The following CHKA variants were observed in gnomAD, a reference collection of about 807,000 sequenced individuals.
The protein encoded by CHKA is CHETK-alpha.
In CHKA, 34 loss-of-function variants were observed where a neutral mutation model predicts 60.1. The observed-to-expected ratio is 0.57, with a 90% CI of 0.43 to 0.75. The LOEUF (loss-of-function observed/expected upper bound fraction) is 0.75. Ranked by LOEUF, CHKA falls within the 30% of genes least tolerant of loss-of-function variation. The probability of loss-of-function intolerance (pLI) is 0.00; values close to 1 mark genes in which losing one functional copy is unlikely to be tolerated. For missense variants in CHKA, 563 were observed against 561.3 expected (o/e 1.00, Z -0.03); for synonymous variants, 217 against 223.1 (o/e 0.97, Z 0.24).
At chr11:68,085,668 C>T (rs948433288) in intron 2 of CHKA, among the ~76,000 whole-genome samples, 8 of 152,074 alleles carry the variant, frequency 5.3e-5, no homozygotes, top group African/African-American at 1.4e-4. Context: ...TGCTTAAAAG[C>T]GTGTATTATT....
chr11:68,056,055 A>G (rs1487773269), intron 11 of CHKA, among the ~76,000 whole-genome samples: 2 of 152,138 alleles, frequency 1.3e-5, no homozygotes, highest in Non-Finnish European at 2.9e-5. Flanking sequence ...TCTCAAAATA[A>G]TAATAATGAA....
At chr11:68,118,460 A>C (rs1858477577) in intron 1 of CHKA, among the ~76,000 whole-genome samples, 1 of 152,120 alleles carries the variant, frequency 6.6e-6, no homozygotes, top group Admixed American at 6.6e-5. Flanking sequence ...ACCAAAAACC[A>C]GAATCAGATT....
chr11:68,069,585 G>A (rs1329328897), intron 6 of CHKA, among the ~76,000 whole-genome samples: 2 of 152,010 alleles, frequency 1.3e-5, no homozygotes, highest in African/African-American at 2.4e-5. Flanking sequence ...TCGGGAGGCT[G>A]AGGCAGGAGA....
At chr11:68,078,621 T>A (rs921256759) in intron 3 of CHKA, among the ~76,000 whole-genome samples, 1 of 152,236 alleles carries the variant, frequency 6.6e-6, no homozygotes, top group Non-Finnish European at 1.5e-5. Flanking sequence ...AGAGTATTGA[T>A]GTTATGAACT....
intron 11 of CHKA, among the ~76,000 whole-genome samples, chr11:68,055,311 A>C (rs1590826018): frequency 6.6e-6 from 1 of 151,848 alleles, no homozygotes; most frequent in South Asian, 2.1e-4. Context: ...AATTGCTTGA[A>C]CCCGGGAGGC....
chr11:68,103,652 G>A (rs547705599), intron 1 of CHKA, among the ~76,000 whole-genome samples: 9 of 151,954 alleles, frequency 5.9e-5, no homozygotes, highest in Non-Finnish European at 7.4e-5. Context: ...TGGCTCATGC[G>A]TGTAATCCCC....
rs568082592 is a variant in CHKA, at chr11:68,111,737, A to C, written c.350+9091T>G. ...AATGTAACAAATGTCTTTTACAACA[A>C]ACCATTTGTTGTTTCAACAAATGGT... On this transcript the variant is annotated intron_variant, in intron 1 of 11. Coordinates refer to ENST00000265689, the MANE Select transcript of CHKA (RefSeq NM_001277.3). 4.6e-5 allele frequency among the ~76,000 whole-genome samples: 7 copies of C among 152,100 alleles called. No homozygotes were observed. In the East Asian group the frequency reaches 7.8e-4, roughly 17 times the overall value.
chr11:68,104,685 T>C (rs1389479022), intron 1 of CHKA, among the ~76,000 whole-genome samples: 1 of 151,700 alleles, frequency 6.6e-6, no homozygotes, highest in South Asian at 2.1e-4. Flanking sequence ...GCCTCCCAAA[T>C]TGCTGGGATA....
chr11:68,087,813 ATAAG>A (rs987544041), intron 2 of CHKA, among the ~76,000 whole-genome samples: 6 of 152,126 alleles, frequency 3.9e-5, no homozygotes, highest in Admixed American at 2.6e-4. Flanking sequence ...CTATAAATAA[ATAAG>A]TAAGAATAAT....
chr11:68,054,099 C>T (rs747241506), intron 11 of CHKA, 52 bp from the exon 12 acceptor site: 1 of 1,502,458 alleles, frequency 6.7e-7, no homozygotes, highest in South Asian at 1.2e-5. Context: ...TGGCCTGAAC[C>T]CTGCCCATGT....
At chr11:68,059,198 T>C (rs893526487) in intron 11 of CHKA, among the ~76,000 whole-genome samples, 1 of 152,222 alleles carries the variant, frequency 6.6e-6, no homozygotes, top group African/African-American at 2.4e-5. Flanking sequence ...CCTGGCTGGC[T>C]GAGGGTTTTT....
intron 2 of CHKA, among the ~76,000 whole-genome samples, chr11:68,094,870 G>A (rs1249906815): frequency 6.6e-6 from 1 of 152,142 alleles, no homozygotes; most frequent in Admixed American, 6.5e-5. Flanking sequence ...CAGCTTGACA[G>A]AGTCAAGGAA....
intron 4 of CHKA, 68 bp from the exon 5 acceptor site, chr11:68,070,925 T>C: frequency 6.7e-7 from 1 of 1,501,872 alleles, no homozygotes; most frequent in Non-Finnish European, 9.2e-7. Context: ...GATCACACAG[T>C]CTTAGGAACG....
intron 10 of CHKA, among the ~76,000 whole-genome samples, chr11:68,063,911 A>G (rs1856343267): frequency 6.6e-6 from 1 of 152,200 alleles, no homozygotes; most frequent in African/African-American, 2.4e-5. Flanking sequence ...CTCCCTGGCC[A>G]TGCAGAACTG....
chr11:68,118,928 G>A (rs549804205), intron 1 of CHKA, among the ~76,000 whole-genome samples: 1 of 152,208 alleles, frequency 6.6e-6, no homozygotes, highest in Non-Finnish European at 1.5e-5. Context: ...TTCACAGGCC[G>A]CAGGCTAGAG....
At chr11:68,085,846 C>A (rs1857161138) in intron 2 of CHKA, among the ~76,000 whole-genome samples, 1 of 152,082 alleles carries the variant, frequency 6.6e-6, no homozygotes, top group Non-Finnish European at 1.5e-5. Flanking sequence ...TCACTGCAAC[C>A]TCCACCTCCT....
chr11:68,105,156 C>G (rs182556852), intron 1 of CHKA, among the ~76,000 whole-genome samples: 1 of 151,348 alleles, frequency 6.6e-6, no homozygotes, highest in East Asian at 2.0e-4. Flanking sequence ...CACTATAAAA[C>G]AAGAAAAACC....
At chr11:68,061,783 G>A (rs1455433750) in intron 11 of CHKA, 170 bp downstream of exon 11, 2 of 663,726 alleles carry the variant, frequency 3.0e-6, no homozygotes, top group Non-Finnish European at 5.6e-6. Flanking sequence ...CCGGCTTCCT[G>A]GGCTGAGCCA....
At chr11:68,096,572 G>A (rs1407493285) in intron 2 of CHKA, among the ~76,000 whole-genome samples, 1 of 152,126 alleles carries the variant, frequency 6.6e-6, no homozygotes, top group Non-Finnish European at 1.5e-5. Flanking sequence ...AAATCTCAGA[G>A]AAACAGTTAT....
Sources: allele counts gnomAD v4.1 joint callset (sites outside exome capture counted in the v4.1 genomes callset), GRCh38; gene constraint gnomAD v4.1.1; transcripts MANE v1.5; gene names NCBI Gene and HGNC (gene_info 2026-07-23, HGNC 2026-07-21).